Variants in HSD11B1 observed in about 807,000 individuals in gnomAD.
HSD11B1 encodes the protein hydroxysteroid 11-beta dehydrogenase 1, also known as 11-beta-hydroxysteroid dehydrogenase 1.
Under a neutral mutation model 22.1 loss-of-function variants are expected in HSD11B1, and 15 were observed. The ratio of observed to expected loss-of-function variants is 0.68; its 90% CI spans 0.45 to 1.04. The LOEUF (loss-of-function observed/expected upper bound fraction) is 1.04, where lower values mean the gene tolerates loss of function less well. Ranked by LOEUF, HSD11B1 falls within the 50% of genes least tolerant of loss-of-function variation. HSD11B1 has a pLI of 0.00. For missense variants in HSD11B1, 281 were observed against 357.6 expected (o/e 0.79, Z 1.73); for synonymous variants, 122 against 125.2 (o/e 0.97, Z 0.17).
At chr1:209,686,687 G>A (rs1260896626) in intron 1 of HSD11B1, among the ~76,000 whole-genome samples, 1 of 152,168 alleles carries the variant, frequency 6.6e-6, no homozygotes, top group Admixed American at 6.5e-5. Context: ...TTTTAAAATC[G>A]GCTTTAAACC....
intron 1 of HSD11B1, among the ~76,000 whole-genome samples, chr1:209,699,062 T>C (rs1241668636): frequency 6.6e-6 from 1 of 152,054 alleles, no homozygotes; most frequent in African/African-American, 2.4e-5. Flanking sequence ...GATTGACAAA[T>C]GAGAACTTCT....
At position 209,692,183 on chromosome 1, in the gene HSD11B1, C is replaced by A. The variant is rs181988789; in HGVS notation, c.-49+5898C>A. Among the ~76,000 whole-genome samples, 216 of 152,060 alleles carry A rather than the reference C, an allele frequency of 1.4e-3. 1 individual carries two copies. Among genetic ancestry groups the A allele is most frequent in the African/African-American group, 5.1e-3 (212 of 41,466 alleles). ...ATGTCTGGAGCCATTAAGTCTCTAACAAGCTAAAGTTAAAAGTATTTACCT... is the reference window on the plus strand; with the variant it reads ...ATGTCTGGAGCCATTAAGTCTCTAAAAAGCTAAAGTTAAAAGTATTTACCT... On this transcript the variant is annotated intron_variant, in intron 1 of 6. Transcript: ENST00000261465.
At chr1:209,717,297 T>C (rs1208852110) in intron 4 of HSD11B1, among the ~76,000 whole-genome samples, 1 of 152,096 alleles carries the variant, frequency 6.6e-6, no homozygotes, top group African/African-American at 2.4e-5. Flanking sequence ...TTAACAAGTA[T>C]ATGAAAAATG....
intron 4 of HSD11B1, among the ~76,000 whole-genome samples, chr1:209,727,007 T>C (rs2077006572): frequency 6.6e-6 from 1 of 152,182 alleles, no homozygotes; most frequent in Non-Finnish European, 1.5e-5. Flanking sequence ...CTAGATCCTG[T>C]GAACGTGACC....
chr1:209,712,451 A>G (rs2076903677), intron 4 of HSD11B1, among the ~76,000 whole-genome samples: 1 of 152,196 alleles, frequency 6.6e-6, no homozygotes, highest in African/African-American at 2.4e-5. Context: ...AGGCATAGGC[A>G]CCAAATTAGG....
At chr1:209,700,554 G>T (rs2076820578), upstream of HSD11B1, among the ~76,000 whole-genome samples, 1 of 152,214 alleles carries the variant, frequency 6.6e-6, no homozygotes, top group East Asian at 1.9e-4. Context: ...TGCCATGAAG[G>T]TCTCTGACAT....
chr1:209,720,669 C>T (rs543667952), intron 4 of HSD11B1, among the ~76,000 whole-genome samples: 1 of 151,868 alleles, frequency 6.6e-6, no homozygotes, highest in South Asian at 2.1e-4. Context: ...GCAAAGGCAA[C>T]TGAAGAGTCA....
At position 209,705,937 on chromosome 1, in the gene HSD11B1, A is replaced by G; in HGVS notation, c.215A>G (p.Gln72Arg). The change falls in exon 2 of 6, where the codon CAG becomes CGG. Residue 72 changes from glutamine to arginine, a missense_variant. Physicochemically the swap from Gln to Arg is conservative, Grantham distance 43 (BLOSUM62 1). Coordinates refer to ENST00000367027, the MANE Select transcript of HSD11B1 (RefSeq NM_005525.4). Reference protein sequence around the residue: ...VVTARSKETLQKVVSHCLELG... With the variant: ...VVTARSKETLRKVVSHCLELG... ...ACAGCGAGGTCAAAAGAAACTCTAC[A>G]GAAGGTGAGGGTTCTATGCTCGCAG... The G allele has an allele frequency of 6.2e-7, 1 of 1,613,894 alleles. No homozygotes were observed. The highest frequency in any genetic ancestry group is 1.7e-5 in the Admixed American group (1 of 60,008).
chr1:209,707,831 T>C (rs2076870240), intron 4 of HSD11B1, among the ~76,000 whole-genome samples: 1 of 152,048 alleles, frequency 6.6e-6, no homozygotes, highest in Admixed American at 6.6e-5. Flanking sequence ...TGAAGTTATG[T>C]AAATGTGAAG....
upstream of HSD11B1, among the ~76,000 whole-genome samples, chr1:209,704,682 G>A (rs1465509421): frequency 1.3e-5 from 2 of 152,194 alleles, no homozygotes; most frequent in East Asian, 3.8e-4. Flanking sequence ...CCATCTGGAA[G>A]TCTCCTCTTG....
intron 1 of HSD11B1, among the ~76,000 whole-genome samples, chr1:209,698,364 C>T (rs2076806100): frequency 6.6e-6 from 1 of 152,198 alleles, no homozygotes; most frequent in Non-Finnish European, 1.5e-5. Flanking sequence ...CCCTATGTCC[C>T]ACCAGGGGCA....
chr1:209,691,555 T>C (rs1323575918), intron 1 of HSD11B1, among the ~76,000 whole-genome samples: 2 of 146,110 alleles, frequency 1.4e-5, no homozygotes, highest in Non-Finnish European at 1.5e-5. Flanking sequence ...ATTTGAATTT[T>C]ATATCTCTTG....
chr1:209,690,448 G>C (rs2076752881), intron 1 of HSD11B1, among the ~76,000 whole-genome samples: 1 of 152,176 alleles, frequency 6.6e-6, no homozygotes, highest in African/African-American at 2.4e-5. Flanking sequence ...TGTAATCCCA[G>C]CAATTTGGGA....
At chr1:209,729,016 A>C (rs973395767) in intron 4 of HSD11B1, among the ~76,000 whole-genome samples, 1 of 152,142 alleles carries the variant, frequency 6.6e-6, no homozygotes, top group Admixed American at 6.6e-5. Flanking sequence ...AATAAGAAGT[A>C]AGTCCAGCTC....
intron 1 of HSD11B1, among the ~76,000 whole-genome samples, chr1:209,698,167 TTAGA>T (rs3059689): frequency 0.43 from 63,205 of 146,352 alleles, 13,710 homozygotes; most frequent in Non-Finnish European, 0.46. Context: ...GATAGATAGA[TTAGA>T]TAGATAGATA....
chr1:209,714,445 C>A (rs2076917593), intron 4 of HSD11B1, among the ~76,000 whole-genome samples: 2 of 152,190 alleles, frequency 1.3e-5, no homozygotes, highest in African/African-American at 4.8e-5. Flanking sequence ...CTGGAGCTAA[C>A]AAATTTTGCA....
chr1:209,714,999 G>C (rs934302892), intron 4 of HSD11B1, among the ~76,000 whole-genome samples: 3 of 152,210 alleles, frequency 2.0e-5, no homozygotes, highest in African/African-American at 7.2e-5. Context: ...GCATCTGCAA[G>C]AGGGCCTGCC....
At chr1:209,732,676 G>A in intron 5 of HSD11B1, 97 bp downstream of exon 5, 3 of 1,021,022 alleles carry the variant, frequency 2.9e-6, no homozygotes, top group Non-Finnish European at 4.6e-6. Context: ...GTATGCATGT[G>A]CCATGTTGGT....
chr1:209,688,005 C>T (rs1255810587), intron 1 of HSD11B1, among the ~76,000 whole-genome samples: 1 of 152,132 alleles, frequency 6.6e-6, no homozygotes, highest in African/African-American at 2.4e-5. Flanking sequence ...TTACAAATAA[C>T]ATTGTTTTAA....
Sources: gnomAD v4.1 joint callset for allele counts (sites outside exome capture counted in the v4.1 genomes callset) on GRCh38, gnomAD v4.1.1 for gene constraint, MANE v1.5 for transcripts, NCBI Gene and HGNC (gene_info 2026-07-23, HGNC 2026-07-21) for gene names.